PITPNB: variants seen among roughly 807,000 people sequenced by gnomAD.
PITPNB encodes phosphatidylinositol transfer protein beta.
PITPNB carries 16 observed loss-of-function variants against 45.9 expected under a neutral mutation model. That is an observed-to-expected ratio of 0.35 (90% CI 0.24 to 0.53). The LOEUF (loss-of-function observed/expected upper bound fraction) is 0.53. PITPNB is among the 20% of genes least tolerant of loss of function. The probability of loss-of-function intolerance (pLI) is 0.93; values close to 1 mark genes in which losing one functional copy is unlikely to be tolerated. For synonymous variants in PITPNB, 112 were observed against 108.9 expected (o/e 1.03, Z -0.18); for missense variants, 188 against 330.5 (o/e 0.57, Z 3.34).
At chr22:27,899,729 T>C (rs898363100) in intron 3 of PITPNB, among the ~76,000 whole-genome samples, 4 of 152,194 alleles carry the variant, frequency 2.6e-5, no homozygotes, top group African/African-American at 9.7e-5. Context: ...TATCTAGCTG[T>C]CCAAAAAATT....
chr22:27,901,086 G>T (rs1935578343), intron 3 of PITPNB, among the ~76,000 whole-genome samples: 1 of 152,164 alleles, frequency 6.6e-6, no homozygotes. Context: ...CCAATACTCG[G>T]AACAGCGTTC....
At chr22:27,854,744 C>G (rs1261220720) in intron 11 of PITPNB, 110 bp downstream of exon 11, 1 of 563,586 alleles carries the variant, frequency 1.8e-6, no homozygotes, top group East Asian at 3.0e-5. Context: ...CTTTTAAATT[C>G]TAAAAATAAA....
chr22:27,854,859 T>G lies in PITPNB; in HGVS notation c.*33A>C. On this transcript the variant is annotated 3_prime_UTR_variant, in exon 11 of 12. Transcript: ENST00000335272. The stretch of plus-strand genomic sequence containing the variant: ...TTACCCAGGTCTTCACTTACACAGT[T>G]TGACATTGTCTCTGACCCTACAGGG... 6.2e-7 allele frequency: 1 copy of G among 1,605,868 alleles called. No homozygotes were observed. The highest frequency in any genetic ancestry group is 1.1e-5 in the South Asian group (1 of 90,670).
rs764621258 is a variant in PITPNB at position 27,919,074 on chromosome 22, G to C, written c.20+98C>G. On this transcript the variant is annotated intron_variant, in intron 1 of 11. Transcript: ENST00000335272. ...CGCCCGCAGGGAGGGGCTGACACAG[G>C]GCTGACTCCGATTTAGGAATATCCT... 4 of 1,590,474 alleles carry C rather than the reference G, an allele frequency of 2.5e-6. No individual in the cohort carries two copies. The Admixed American group carries it at 6.7e-5, about 27-fold the overall frequency.
chr22:27,917,923 G>A (rs78165431), intron 1 of PITPNB, among the ~76,000 whole-genome samples: 7 of 152,344 alleles, frequency 4.6e-5, no homozygotes, highest in African/African-American at 1.7e-4. Context: ...CTGAGAAGGT[G>A]ACGTCTGAGC....
At chr22:27,867,470 A>G (rs1453158476) in intron 8 of PITPNB, among the ~76,000 whole-genome samples, 1 of 152,242 alleles carries the variant, frequency 6.6e-6, no homozygotes, top group Non-Finnish European at 1.5e-5. Flanking sequence ...ATCTAATTTC[A>G]CAAAAAGGCG....
intron 8 of PITPNB, among the ~76,000 whole-genome samples, chr22:27,865,548 A>G (rs1054278994): frequency 2.6e-5 from 4 of 152,314 alleles, no homozygotes; most frequent in South Asian, 4.1e-4. Flanking sequence ...AAAAATCTCA[A>G]TGGGGCAAAT....
chr22:27,894,467 T>C (rs536749599), intron 7 of PITPNB, 88 bp downstream of exon 7: 6 of 754,232 alleles, frequency 8.0e-6, no homozygotes, highest in African/African-American at 3.5e-5. Context: ...AAGGAAATAA[T>C]TTTTTTAACT....
intron 2 of PITPNB, among the ~76,000 whole-genome samples, chr22:27,912,979 T>C (rs906113541): frequency 1.5e-4 from 14 of 94,890 alleles, no homozygotes; most frequent in Non-Finnish European, 2.2e-4. Flanking sequence ...CAAGACTCCA[T>C]CTCCAAAAAA....
chr22:27,899,649 C>A (rs1003988822), intron 3 of PITPNB, among the ~76,000 whole-genome samples: 1 of 152,042 alleles, frequency 6.6e-6, no homozygotes, highest in African/African-American at 2.4e-5. Flanking sequence ...AATGGTGGAA[C>A]AATTCATTCA....
chr22:27,880,556 G>T (rs1482585264), intron 7 of PITPNB, among the ~76,000 whole-genome samples: 1 of 151,588 alleles, frequency 6.6e-6, no homozygotes, highest in Non-Finnish European at 1.5e-5. Context: ...AAGAAATTAG[G>T]AATAAACCTT....
At chr22:27,860,106 TCAC>T (rs1474626259) in intron 9 of PITPNB, 22 bp downstream of exon 9, 1 of 1,346,340 alleles carries the variant, frequency 7.4e-7, no homozygotes. Flanking sequence ...TAAATCTAAG[TCAC>T]CACATTTTGA....
In PITPNB at chr22:27,877,741, G is replaced by T. The variant is rs184527516; in HGVS notation, c.457-3926C>A. On this transcript the variant is annotated intron_variant, in intron 7 of 11. Coordinates refer to ENST00000335272, the MANE Select transcript of PITPNB (RefSeq NM_012399.5). ...GAGCCCAGATTTAACTCCTAATTAT[G>T]AATGGGGAAGTGAGTAGGAGGTGGG... is the stretch of plus-strand genomic sequence containing the variant. 3.5e-3 allele frequency among the ~76,000 whole-genome samples: 529 copies of T among 152,320 alleles called. 2 individuals are homozygous for T. Among genetic ancestry groups the T allele is most frequent in the Middle Eastern group, 0.031 (9 of 294 alleles).
At chr22:27,906,463 T>C (rs1935764996) in intron 3 of PITPNB, among the ~76,000 whole-genome samples, 1 of 152,218 alleles carries the variant, frequency 6.6e-6, no homozygotes, top group Non-Finnish European at 1.5e-5. Flanking sequence ...AAAATAACTC[T>C]TCCACAGGAT....
At chr22:27,907,049 G>T (rs1935783266) in intron 3 of PITPNB, among the ~76,000 whole-genome samples, 1 of 152,202 alleles carries the variant, frequency 6.6e-6, no homozygotes, top group Non-Finnish European at 1.5e-5. Context: ...TAAGGCCTTG[G>T]TGGCCTTAGT....
chr22:27,865,424 C>T (rs2146355578), intron 8 of PITPNB, among the ~76,000 whole-genome samples: 1 of 152,310 alleles, frequency 6.6e-6, no homozygotes, highest in Non-Finnish European at 1.5e-5. Flanking sequence ...TAGTCCATCC[C>T]ATATTTAATT....
intron 7 of PITPNB, chr22:27,894,273 C>T: frequency 3.9e-6 from 1 of 254,570 alleles, no homozygotes; most frequent in Middle Eastern, 1.2e-3. Flanking sequence ...TTTTGTTTTT[C>T]AATGAAAACA....
At chr22:27,860,001 G>T (rs1934278130) in intron 9 of PITPNB, 130 bp downstream of exon 9, 2 of 589,220 alleles carry the variant, frequency 3.4e-6, no homozygotes, top group Non-Finnish European at 6.1e-6. Context: ...GGGCTGAAAT[G>T]AATTATGTAG....
At chr22:27,866,027 G>A (rs769480870) in intron 8 of PITPNB, among the ~76,000 whole-genome samples, 1 of 152,074 alleles carries the variant, frequency 6.6e-6, no homozygotes, top group South Asian at 2.1e-4. Flanking sequence ...GCTAATCTGC[G>A]AGTAAATAAA....
Sources: gnomAD v4.1 joint callset for allele counts (sites outside exome capture counted in the v4.1 genomes callset) on GRCh38, gnomAD v4.1.1 for gene constraint, MANE v1.5 for transcripts, NCBI Gene and HGNC (gene_info 2026-07-23, HGNC 2026-07-21) for gene names.